RERE: variants seen among roughly 807,000 people sequenced by gnomAD.
The protein encoded by RERE is arginine-glutamic acid dipeptide repeats protein.
In RERE, 40 loss-of-function variants were observed where a neutral mutation model predicts 146.1. The observed-to-expected ratio is 0.27, with a 90% CI of 0.21 to 0.36. RERE has a LOEUF of 0.36. Ranked by LOEUF, RERE falls within the 10% of genes least tolerant of loss-of-function variation. The probability of loss-of-function intolerance (pLI) is 1.00; values close to 1 mark genes in which losing one functional copy is unlikely to be tolerated. For synonymous variants in RERE, 1,003 were observed against 866.0 expected (o/e 1.16, Z -2.78); for missense variants, 1,933 against 2,138.7 (o/e 0.90, Z 1.90).
intron 1 of RERE, among the ~76,000 whole-genome samples, chr1:8,780,216 C>T (rs1641140436): frequency 2.6e-5 from 4 of 152,300 alleles, no homozygotes; most frequent in Admixed American, 2.6e-4. Context: ...ATTTGGGCTC[C>T]AGCACCCTCG....
chr1:8,525,762 C>A, intron 7 of RERE: 1 of 1,599,654 alleles, frequency 6.3e-7, no homozygotes, highest in Non-Finnish European at 8.5e-7. Context: ...AGCCTACCTG[C>A]AGGGGCTGAA....
At chr1:8,649,775 G>C (rs1194844846) in intron 2 of RERE, among the ~76,000 whole-genome samples, 1 of 151,696 alleles carries the variant, frequency 6.6e-6, no homozygotes, top group Non-Finnish European at 1.5e-5. Context: ...TACACACTAT[G>C]TGTACACTAT....
At chr1:8,701,150 G>A (rs1639437102) in intron 1 of RERE, among the ~76,000 whole-genome samples, 1 of 152,110 alleles carries the variant, frequency 6.6e-6, no homozygotes, top group South Asian at 2.1e-4. Context: ...AAGCTAGTCT[G>A]CATCACACAC....
At chr1:8,785,334 TAGGCTAATACAATCACACCAA>T (rs1641240162) in intron 1 of RERE, among the ~76,000 whole-genome samples, 1 of 152,252 alleles carries the variant, frequency 6.6e-6, no homozygotes, top group South Asian at 2.1e-4. Context: ...TAAACAGGTC[TAGGCTAATACAATCACACCAA>T]ACACCAGAAT....
chr1:8,414,740 C>A (rs1347457152), intron 12 of RERE, among the ~76,000 whole-genome samples: 2 of 152,020 alleles, frequency 1.3e-5, no homozygotes, highest in African/African-American at 4.8e-5. Flanking sequence ...AATTCAACAT[C>A]TCGGAAAACT....
intron 2 of RERE, among the ~76,000 whole-genome samples, chr1:8,651,565 T>C (rs1456354106): frequency 6.6e-6 from 1 of 151,860 alleles, no homozygotes; most frequent in Non-Finnish European, 1.5e-5. Context: ...GTAGTTTATA[T>C]CAAGAAAGTA....
chr1:8,388,562 G>A (rs570280679), intron 12 of RERE, among the ~76,000 whole-genome samples: 30 of 151,654 alleles, frequency 2.0e-4, no homozygotes, highest in Non-Finnish European at 2.4e-4. Flanking sequence ...CTCATGATCC[G>A]CCCGCCTTGG....
rs568585365 is a variant in RERE, at chr1:8,690,325, C to T, written c.-144-33884G>A. ...GGACACTAATCACATCATGAGGAGC[C>T]CCACCCTCAGGATCTCATCTAAACC... On this transcript the variant is annotated intron_variant, in intron 1 of 22. Transcript: ENST00000400908. Among the ~76,000 whole-genome samples, 5 of 152,238 alleles carry T rather than the reference C, an allele frequency of 3.3e-5. No homozygotes were observed. The South Asian group carries it at 1.0e-3, about 32-fold the overall frequency.
intron 11 of RERE, among the ~76,000 whole-genome samples, chr1:8,443,601 T>C (rs1644281179): frequency 6.6e-6 from 1 of 151,972 alleles, no homozygotes; most frequent in African/African-American, 2.4e-5. Flanking sequence ...GGAAAGGCCT[T>C]AAAGGAATTT....
At chr1:8,405,308 C>A (rs1643406787) in intron 12 of RERE, among the ~76,000 whole-genome samples, 1 of 152,086 alleles carries the variant, frequency 6.6e-6, no homozygotes, top group South Asian at 2.1e-4. Flanking sequence ...GACAAAGTCA[C>A]TCATTAAGAA....
At chr1:8,640,824 G>A (rs1007164187) in intron 2 of RERE, among the ~76,000 whole-genome samples, 8 of 152,184 alleles carry the variant, frequency 5.3e-5, no homozygotes, top group South Asian at 2.1e-4. Flanking sequence ...CTTACAATAC[G>A]CATTATAAAA....
intron 16 of RERE, 26 bp from the exon 17 acceptor site, chr1:8,361,902 C>G (rs766702554): frequency 1.3e-6 from 2 of 1,537,612 alleles, no homozygotes; most frequent in Admixed American, 3.3e-5. Context: ...CCACAAGGAG[C>G]AATCAGGCCA....
chr1:8,355,605 G>C lies in RERE; in HGVS notation c.4487-6C>G. The C allele has an allele frequency of 6.4e-7, 1 of 1,565,238 alleles. No individual in the cohort carries two copies. On this transcript the variant is annotated splice_region_variant and splice_polypyrimidine_tract_variant and intron_variant, in intron 21 of 22. Coordinates refer to ENST00000400908, the MANE Select transcript of RERE (RefSeq NM_001042681.2). ...GTCACGGGGGTAGGGGGTGCCTGCC[G>C]AACACAAAACAACCTGCGCTACAGA...
intron 12 of RERE, among the ~76,000 whole-genome samples, chr1:8,387,640 T>C (rs1642727397): frequency 6.6e-6 from 1 of 152,150 alleles, no homozygotes; most frequent in Admixed American, 6.5e-5. Flanking sequence ...AAGATTTATA[T>C]AGGCCCTTCA....
chr1:8,543,845 T>C (rs1303212475), intron 6 of RERE, among the ~76,000 whole-genome samples: 1 of 152,246 alleles, frequency 6.6e-6, no homozygotes, highest in African/African-American at 2.4e-5. Flanking sequence ...TAAATGATTA[T>C]GAAGTTGTCG....
intron 12 of RERE, among the ~76,000 whole-genome samples, chr1:8,367,406 G>C (rs1408796087): frequency 6.6e-6 from 1 of 152,180 alleles, no homozygotes; most frequent in African/African-American, 2.4e-5. Context: ...GTGGGACCAC[G>C]GCTGCGGTCC....
Position 8,556,467 on chromosome 1 carries a change from G to C in RERE, c.725+8C>G. Reference sequence around the variant, plus strand: ...CTTCACATGGAAGAGCACGTCTCCAGTACTTACCTAAGGGCAGCAGCATGG... The same window carrying C: ...CTTCACATGGAAGAGCACGTCTCCACTACTTACCTAAGGGCAGCAGCATGG... On this transcript the variant is annotated splice_region_variant and intron_variant, in intron 6 of 22. Coordinates refer to ENST00000400908, the MANE Select transcript of RERE (RefSeq NM_001042681.2). 6.5e-7 allele frequency: 1 copy of C among 1,539,046 alleles called. No individual in the cohort carries two copies. Among genetic ancestry groups the C allele is most frequent in the Non-Finnish European group, 9.0e-7 (1 of 1,111,686 alleles).
At chr1:8,555,623 A>T (rs112562672) in intron 6 of RERE, among the ~76,000 whole-genome samples, 139 of 152,346 alleles carry the variant, frequency 9.1e-4, no homozygotes, top group African/African-American at 3.3e-3. Flanking sequence ...AAAAAAAAGT[A>T]GTCTTTCACC....
At chr1:8,528,384 A>G (rs994171931) in intron 7 of RERE, among the ~76,000 whole-genome samples, 1 of 151,884 alleles carries the variant, frequency 6.6e-6, no homozygotes, top group Non-Finnish European at 1.5e-5. Flanking sequence ...CAAAATCTGA[A>G]TATGAACTAT....
Sources: gnomAD v4.1 joint callset for allele counts (sites outside exome capture counted in the v4.1 genomes callset) on GRCh38, gnomAD v4.1.1 for gene constraint, MANE v1.5 for transcripts, NCBI Gene and HGNC (gene_info 2026-07-23, HGNC 2026-07-21) for gene names.